The following SLC7A2 variants were observed in gnomAD, a reference collection of about 807,000 sequenced individuals.
SLC7A2 encodes the protein solute carrier family 7 member 2.
In SLC7A2, 48 loss-of-function variants were observed where a neutral mutation model predicts 58.9. The ratio of observed to expected loss-of-function variants is 0.82; its 90% CI spans 0.65 to 1.04. The LOEUF (loss-of-function observed/expected upper bound fraction) is 1.04. Among genes scored for constraint, SLC7A2 ranks in the 50% least tolerant of loss-of-function variants. SLC7A2 has a pLI of 0.00. For synonymous variants in SLC7A2, 363 were observed against 314.5 expected, an observed-to-expected ratio of 1.15 and a Z score of -1.63; for missense variants, 1,029 against 818.8, an observed-to-expected ratio of 1.26 and a Z score of -3.13.
At chr8:17,515,306 T>A (rs571637998) in intron 2 of SLC7A2, among the ~76,000 whole-genome samples, 1 of 151,846 alleles carries the variant, frequency 6.6e-6, no homozygotes. Flanking sequence ...TTTCTTTTTT[T>A]TTTTTTTTAA....
intron 2 of SLC7A2, among the ~76,000 whole-genome samples, chr8:17,509,957 C>T (rs946401628): frequency 1.3e-5 from 2 of 152,054 alleles, no homozygotes; most frequent in African/African-American, 4.8e-5. Flanking sequence ...CAGTGGCTCA[C>T]GCCTGTAACC....
chr8:17,539,730 A>G (rs1585233113), intron 2 of SLC7A2, among the ~76,000 whole-genome samples: 1 of 152,172 alleles, frequency 6.6e-6, no homozygotes, highest in African/African-American at 2.4e-5. Context: ...CAGTAGCAAT[A>G]ACTGACAATG....
rs117797550 is a variant in SLC7A2, at chr8:17,508,192, G to C, written c.-23+5890G>C. Among the ~76,000 whole-genome samples the C allele has an allele frequency of 9.6e-3, 1,467 of 152,090 alleles. 40 individuals carry two copies. Among genetic ancestry groups the C allele is most frequent in the East Asian group, 0.079 (410 of 5,170 alleles). On this transcript the variant is annotated intron_variant, in intron 2 of 12. Coordinates refer to ENST00000494857, the MANE Select transcript of SLC7A2 (RefSeq NM_001370338.1). Reference sequence around the variant, plus strand: ...CAGTGAACCAAACAAAAAAAGAGCAGACTTGGCAGAAAATTCCTGTTGATA... The same window carrying C: ...CAGTGAACCAAACAAAAAAAGAGCACACTTGGCAGAAAATTCCTGTTGATA...
upstream of SLC7A2, among the ~76,000 whole-genome samples, chr8:17,495,796 C>G (rs1474048889): frequency 6.6e-6 from 1 of 152,196 alleles, no homozygotes; most frequent in Non-Finnish European, 1.5e-5. Context: ...GTGATCGGCG[C>G]GCCTCGGCGT....
At chr8:17,503,373 T>A (rs12546929) in intron 2 of SLC7A2, among the ~76,000 whole-genome samples, 97,620 of 151,768 alleles carry the variant, frequency 0.64, 32,711 homozygotes, top group East Asian at 0.74. Context: ...TTGAAAAAAA[T>A]TTTATGCTTC....
Position 17,544,498 on chromosome 8 carries a change from C to G in SLC7A2, c.424C>G (p.Leu142Val). Residue 142 changes from leucine to valine, a missense_variant, in exon 4 of 13, where the codon CTT becomes GTT. By Grantham distance (32) the Leu-to-Val change is conservative. Coordinates refer to ENST00000494857, the MANE Select transcript of SLC7A2 (RefSeq NM_001370338.1). ...CTGGAGTGGCACCTTTGATGAACTT[C>G]TTAGCAAACAGATTGGTCAGTTTTT... ...RAWSGTFDEL[L>V]SKQIGQFLRT... is the part of the protein sequence containing the mutation. The G allele has an allele frequency of 6.2e-7, 1 of 1,614,040 alleles. No homozygotes were observed. Among genetic ancestry groups the G allele is most frequent in the Non-Finnish European group, 8.5e-7 (1 of 1,179,950 alleles).
At chr8:17,519,409 T>C (rs148955530) in intron 2 of SLC7A2, among the ~76,000 whole-genome samples, 4 of 152,308 alleles carry the variant, frequency 2.6e-5, no homozygotes, top group South Asian at 2.1e-4. Context: ...TCTGAAATTA[T>C]AAATTGATGA....
At chr8:17,523,994 A>AC (rs1801121400) in intron 2 of SLC7A2, among the ~76,000 whole-genome samples, 1 of 152,246 alleles carries the variant, frequency 6.6e-6, no homozygotes, top group Admixed American at 6.5e-5. Flanking sequence ...CAACAAGCAT[A>AC]TGGAAAAATG....
chr8:17,548,007 T>C (rs185929773), intron 4 of SLC7A2, among the ~76,000 whole-genome samples: 3 of 152,328 alleles, frequency 2.0e-5, no homozygotes, highest in African/African-American at 7.2e-5. Context: ...GTATTTTGTG[T>C]GCATGGCAGA....
intron 2 of SLC7A2, among the ~76,000 whole-genome samples, chr8:17,505,370 G>A (rs563760289): frequency 2.7e-4 from 41 of 152,276 alleles, no homozygotes; most frequent in African/African-American, 5.5e-4. Context: ...GAAGAAGACC[G>A]CTTATGGCCT....
rs755230604 is a variant in SLC7A2 at position 17,543,489 on chromosome 8, C to T, written c.150C>T (p.Ala50=). The T allele has an allele frequency of 2.2e-5, 35 of 1,613,902 alleles. No homozygotes were observed. The highest frequency in any genetic ancestry group is 1.6e-4 in the Middle Eastern group (1 of 6,084). ...TGGGCGTTGGAAGCACCCTTGGGGC[C>T]GGGGTTTATGTCCTCGCTGGGGAGG... ...IALGVGSTLG[A]GVYVLAGEVA... Residue 50 remains alanine (A), a synonymous_variant, in exon 3 of 13, where the codon GCC becomes GCT. Transcript: ENST00000494857.
intron 2 of SLC7A2, among the ~76,000 whole-genome samples, chr8:17,521,722 A>G (rs1035291467): frequency 1.3e-5 from 2 of 152,226 alleles, no homozygotes; most frequent in Non-Finnish European, 2.9e-5. Flanking sequence ...CAAGGAGGAA[A>G]TCTCAAGAGC....
chr8:17,506,447 C>G lies in SLC7A2; in HGVS notation c.-23+4145C>G, dbSNP rs1021597201. On this transcript the variant is annotated intron_variant, in intron 2 of 12. Coordinates refer to ENST00000494857, the MANE Select transcript of SLC7A2 (RefSeq NM_001370338.1). ...ATTTTAAAGCGTAAACTTCACAGTA[C>G]ATTTAAAACTGTCCTGTGCGAAATT... Among the ~76,000 whole-genome samples, 4 of 152,302 alleles carry G rather than the reference C, an allele frequency of 2.6e-5. 1 individual carries two copies. Among genetic ancestry groups the G allele is most frequent in the Middle Eastern group, 6.8e-3 (2 of 294 alleles).
At chr8:17,564,025 T>C (rs1303599287) in intron 12 of SLC7A2, among the ~76,000 whole-genome samples, 3 of 152,132 alleles carry the variant, frequency 2.0e-5, no homozygotes, top group Non-Finnish European at 4.4e-5. Context: ...AACAGCAAAA[T>C]GCCTACATGT....
chr8:17,530,668 G>A (rs868493608), intron 2 of SLC7A2, among the ~76,000 whole-genome samples: 9 of 151,574 alleles, frequency 5.9e-5, no homozygotes, highest in Middle Eastern at 3.4e-3. Context: ...TGCCTCCTAG[G>A]TTCAAGCGTT....
chr8:17,556,184 G>A (rs1023069086), intron 8 of SLC7A2, among the ~76,000 whole-genome samples: 5 of 152,144 alleles, frequency 3.3e-5, no homozygotes, highest in African/African-American at 4.8e-5. Context: ...CCCAGATGAT[G>A]TGAAGCCCAT....
At chr8:17,528,038 G>T (rs1302674485) in intron 2 of SLC7A2, among the ~76,000 whole-genome samples, 2 of 152,062 alleles carry the variant, frequency 1.3e-5, no homozygotes, top group African/African-American at 4.8e-5. Flanking sequence ...AGAGGGGAAG[G>T]AGTAACCTTC....
At chr8:17,510,062 G>A (rs192818142) in intron 2 of SLC7A2, among the ~76,000 whole-genome samples, 1 of 151,898 alleles carries the variant, frequency 6.6e-6, no homozygotes, top group Non-Finnish European at 1.5e-5. Context: ...TCTACTAAAC[G>A]TACGAAAATT....
At chr8:17,532,026 G>A (rs1193892592) in intron 2 of SLC7A2, among the ~76,000 whole-genome samples, 3 of 151,750 alleles carry the variant, frequency 2.0e-5, no homozygotes, top group South Asian at 2.1e-4. Flanking sequence ...TCAGGAGTTC[G>A]AGACCAGCCT....
Sources: gnomAD v4.1 joint callset for allele counts (sites outside exome capture counted in the v4.1 genomes callset) on GRCh38, gnomAD v4.1.1 for gene constraint, MANE v1.5 for transcripts, NCBI Gene and HGNC (gene_info 2026-07-23, HGNC 2026-07-21) for gene names.